The following MARK1 variants were observed in gnomAD, a reference collection of about 807,000 sequenced individuals.
MARK1 encodes the protein microtubule affinity regulating kinase 1.
Under a neutral mutation model 96.3 loss-of-function variants are expected in MARK1, and 40 were observed. The ratio of observed to expected loss-of-function variants is 0.42; its 90% CI spans 0.32 to 0.54. The LOEUF is 0.54. Ranked by LOEUF, MARK1 falls within the 20% of genes least tolerant of loss-of-function variation. MARK1 has a pLI of 0.16. For missense variants in MARK1, 719 were observed against 984.6 expected (o/e 0.73, Z 3.61); for synonymous variants, 317 against 341.2 (o/e 0.93, Z 0.78).
In MARK1 at chr1:220,623,260, T is replaced by G. The variant is rs554303206; in HGVS notation, c.909+4505T>G. On this transcript the variant is annotated intron_variant, in intron 9 of 17. Coordinates refer to ENST00000366917, the MANE Select transcript of MARK1 (RefSeq NM_018650.5). Reference sequence around the variant, plus strand: ...TCTGGGAAAGTTTTTCCCTCGACTTTTAACGTTAACTCTTTTGGTTACCAT... The same window carrying G: ...TCTGGGAAAGTTTTTCCCTCGACTTGTAACGTTAACTCTTTTGGTTACCAT... Among the ~76,000 whole-genome samples, 4 of 152,326 alleles carry G rather than the reference T, an allele frequency of 2.6e-5. No homozygotes were observed. In the South Asian group the frequency reaches 8.3e-4, roughly 32 times the overall value.
At chr1:220,605,473 A>T (rs1168768117) in intron 6 of MARK1, among the ~76,000 whole-genome samples, 4 of 151,032 alleles carry the variant, frequency 2.6e-5, no homozygotes, top group African/African-American at 7.3e-5. Context: ...TCATTTTTTT[A>T]AATTTTTATT....
In MARK1 at chr1:220,631,248, T is replaced by C. The variant is rs1424694369; in HGVS notation, c.1009+114T>C. 9 of 555,042 alleles carry C rather than the reference T, an allele frequency of 1.6e-5. No individual in the cohort carries two copies. The African/African-American group carries it at 1.7e-4, about 11-fold the overall frequency. The allele number at this position is 555,042 out of a possible 1,614,324, so 34.4% of individuals were successfully genotyped here. On this transcript the variant is annotated intron_variant, in intron 10 of 17. Transcript: ENST00000366917. Reference sequence around the variant, plus strand: ...TAGGAAGCAATTTTTATTTGAAAAATACTTGCATTGTCATTTTAATGATAA... The same window carrying C: ...TAGGAAGCAATTTTTATTTGAAAAACACTTGCATTGTCATTTTAATGATAA...
At chr1:220,592,882 C>A (rs79656265) in intron 3 of MARK1, among the ~76,000 whole-genome samples, 1 of 152,054 alleles carries the variant, frequency 6.6e-6, no homozygotes, top group South Asian at 2.1e-4. Flanking sequence ...TAGTAGAGGC[C>A]AGTTACAAAG....
intron 6 of MARK1, among the ~76,000 whole-genome samples, chr1:220,611,373 C>T (rs1040482536): frequency 2.6e-5 from 4 of 152,242 alleles, no homozygotes; most frequent in East Asian, 1.9e-4. Context: ...GCGTAGGACC[C>T]GCCAAGCCAG....
chr1:220,623,400 AT>A (rs1389611698), intron 9 of MARK1, among the ~76,000 whole-genome samples: 4 of 152,338 alleles, frequency 2.6e-5, no homozygotes, highest in Non-Finnish European at 4.4e-5. Context: ...TTGGAAAAAA[AT>A]AACAGAGTTA....
At position 220,642,264 on chromosome 1, in the gene MARK1, A is replaced by G. The variant is rs189251454; in HGVS notation, c.1470+6238A>G. 1.5e-3 allele frequency among the ~76,000 whole-genome samples: 232 copies of G among 152,328 alleles called. 1 individual carries two copies. The highest frequency in any genetic ancestry group is 5.3e-3 in the African/African-American group (222 of 41,580). On this transcript the variant is annotated intron_variant, in intron 13 of 17. Coordinates refer to ENST00000366917, the MANE Select transcript of MARK1 (RefSeq NM_018650.5). ...GTTCCCAGCGTTGGGGGCAACCGCC[A>G]TTACTGCAGCTCTAGTCAGTGATTT...
intron 1 of MARK1, among the ~76,000 whole-genome samples, chr1:220,539,320 A>T (rs943944465): frequency 3.3e-5 from 5 of 152,204 alleles, no homozygotes; most frequent in Admixed American, 3.3e-4. Flanking sequence ...GCATCTATTG[A>T]GATAATCATG....
intron 3 of MARK1, among the ~76,000 whole-genome samples, chr1:220,587,273 C>T (rs953489226): frequency 3.3e-5 from 5 of 150,188 alleles, no homozygotes; most frequent in African/African-American, 9.8e-5. Context: ...TCCTTCCTTC[C>T]TTCTTTCCTT....
chr1:220,647,323 G>T (rs1463135704), intron 13 of MARK1, among the ~76,000 whole-genome samples: 2 of 152,164 alleles, frequency 1.3e-5, no homozygotes, highest in Non-Finnish European at 2.9e-5. Flanking sequence ...AATCATTAGA[G>T]AAATGCAAAT....
chr1:220,537,126 T>C (rs1345193240), intron 1 of MARK1, among the ~76,000 whole-genome samples: 1 of 151,436 alleles, frequency 6.6e-6, no homozygotes, highest in East Asian at 2.0e-4. Flanking sequence ...TTAGGGTACA[T>C]GTGCACAATG....
chr1:220,601,051 G>A (rs2102911973), intron 5 of MARK1, among the ~76,000 whole-genome samples: 1 of 152,014 alleles, frequency 6.6e-6, no homozygotes, highest in South Asian at 2.1e-4. Flanking sequence ...CCGAGTAGCT[G>A]GGACTACAGG....
At chr1:220,619,646 T>C (rs1317185717) in intron 9 of MARK1, among the ~76,000 whole-genome samples, 1 of 152,226 alleles carries the variant, frequency 6.6e-6, no homozygotes, top group Non-Finnish European at 1.5e-5. Context: ...GACACTATTA[T>C]AAATGGACTA....
chr1:220,661,115 A>G (rs776276906), intron 17 of MARK1, among the ~76,000 whole-genome samples: 2 of 152,236 alleles, frequency 1.3e-5, no homozygotes, highest in Non-Finnish European at 2.9e-5. Flanking sequence ...TGGCAAGAAC[A>G]TAACCCGTGT....
At chr1:220,658,236 G>A (rs920516284) in intron 17 of MARK1, among the ~76,000 whole-genome samples, 1 of 152,188 alleles carries the variant, frequency 6.6e-6, no homozygotes, top group African/African-American at 2.4e-5. Context: ...ATATATTTTA[G>A]GTGATAATTC....
Position 220,630,976 on chromosome 1 carries a change from C to A in MARK1, c.910-59C>A, listed in dbSNP as rs1319258197. On this transcript the variant is annotated intron_variant, in intron 9 of 17. Transcript: ENST00000366917. ...TAATTTTACATTTGCTAAAATAGAG[C>A]TATAATAAGTGGCTGAATGTTCTGA... The A allele has an allele frequency of 6.1e-6, 7 of 1,147,738 alleles. No individual in the cohort carries two copies. The African/African-American group carries it at 9.2e-5, about 15-fold the overall frequency. The allele number at this position is 1,147,738 out of a possible 1,614,324, so 71.1% of individuals were successfully genotyped here. A position where few individuals can be genotyped will look rare whatever the true frequency, so the allele number is the denominator to read the frequency against.
intron 14 of MARK1, among the ~76,000 whole-genome samples, chr1:220,651,637 C>A (rs1668883505): frequency 6.6e-6 from 1 of 152,100 alleles, no homozygotes; most frequent in Non-Finnish European, 1.5e-5. Flanking sequence ...CATATCACAC[C>A]AAACTGTGAC....
intron 2 of MARK1, among the ~76,000 whole-genome samples, chr1:220,580,167 C>G (rs1437946642): frequency 1.3e-5 from 2 of 151,838 alleles, no homozygotes; most frequent in Non-Finnish European, 2.9e-5. Context: ...TTTACTAGAT[C>G]TGATTAGGAC....
chr1:220,537,135 T>C (rs12737023), intron 1 of MARK1, among the ~76,000 whole-genome samples: 38,439 of 150,712 alleles, frequency 0.26, 5,655 homozygotes, highest in East Asian at 0.46. Context: ...ATGTGCACAA[T>C]GTGCAGGTTG....
At chr1:220,628,765 A>G (rs11118581) in intron 9 of MARK1, among the ~76,000 whole-genome samples, 9,427 of 152,108 alleles carry the variant, frequency 0.062, 1,031 homozygotes, top group African/African-American at 0.21. Context: ...CCAAGAAAAT[A>G]TGAATTCTCT....
Sources: gnomAD v4.1 joint callset for allele counts (sites outside exome capture counted in the v4.1 genomes callset) on GRCh38, gnomAD v4.1.1 for gene constraint, MANE v1.5 for transcripts, NCBI Gene and HGNC (gene_info 2026-07-23, HGNC 2026-07-21) for gene names.